Variants in RCAN1 observed in about 807,000 individuals in gnomAD.
RCAN1 encodes the protein calcipressin-1.
RCAN1 carries 11 observed loss-of-function variants against 22.9 expected under a neutral mutation model. The observed-to-expected ratio is 0.48, with a 90% confidence interval of 0.30 to 0.79. The LOEUF is 0.79. Ranked by LOEUF, RCAN1 falls within the 30% of genes least tolerant of loss-of-function variation. RCAN1 has a pLI of 0.06. For missense variants in RCAN1, 291 were observed against 337.8 expected, an observed-to-expected ratio of 0.86 and a Z score of 1.09; for synonymous variants, 136 against 142.3, an observed-to-expected ratio of 0.96 and a Z score of 0.32.
rs539596334 is a variant in RCAN1, at chr21:34,590,659, C to T, written c.252+24101G>A. On this transcript the variant is annotated intron_variant, in intron 1 of 3. Transcript: ENST00000313806. The stretch of plus-strand genomic sequence containing the variant: ...GGGTCTGACATTCCAGGATGCTGTG[C>T]TTTTTTTACACAGCATTTCCCCCTG... Among the ~76,000 whole-genome samples the T allele has an allele frequency of 1.1e-4, 16 of 152,280 alleles. No individual in the cohort carries two copies. The South Asian group carries it at 1.7e-3, about 16-fold the overall frequency.
At chr21:34,540,562 G>T (rs1326318119) in intron 1 of RCAN1, among the ~76,000 whole-genome samples, 1 of 152,084 alleles carries the variant, frequency 6.6e-6, no homozygotes, top group Admixed American at 6.5e-5. Context: ...CCGAACTAAG[G>T]GTAGACCAAG....
intron 1 of RCAN1, among the ~76,000 whole-genome samples, chr21:34,550,393 G>A (rs1221028726): frequency 2.6e-5 from 4 of 152,192 alleles, no homozygotes; most frequent in African/African-American, 4.8e-5. Context: ...CAATGTGACT[G>A]TATTTGGAGG....
chr21:34,551,825 A>G (rs1986379668), intron 1 of RCAN1, among the ~76,000 whole-genome samples: 1 of 152,206 alleles, frequency 6.6e-6, no homozygotes, highest in Non-Finnish European at 1.5e-5. Flanking sequence ...ACTTAGGAAT[A>G]GCGATCATGG....
rs190900668 is a variant in RCAN1 at position 34,601,170 on chromosome 21, T to A, written c.252+13590A>T. Among the ~76,000 whole-genome samples, 357 of 152,350 alleles carry A rather than the reference T, an allele frequency of 2.3e-3. 3 individuals carry two copies. Among genetic ancestry groups the A allele is most frequent in the African/African-American group, 8.2e-3 (342 of 41,584 alleles). On this transcript the variant is annotated intron_variant, in intron 1 of 3. Coordinates refer to ENST00000313806, the MANE Select transcript of RCAN1 (RefSeq NM_004414.7). ...AGTGCCTACTATGTGGCAGGCACTG[T>A]CCCAGGAACAGGTTAAGCAGCTGCA...
intron 1 of RCAN1, among the ~76,000 whole-genome samples, chr21:34,545,895 C>T (rs148481816): frequency 1.3e-5 from 2 of 152,362 alleles, no homozygotes; most frequent in Non-Finnish European, 2.9e-5. Context: ...ACACCAAATG[C>T]ATTCACTTAA....
In RCAN1 at chr21:34,517,822, C is replaced by A; in HGVS notation, c.*262G>T. The stretch of plus-strand genomic sequence containing the variant: ...AAAACACTATCATTATCTGTTTTCT[C>A]AAGACAGTCCCAAATGTCCTTGTGC... On this transcript the variant is annotated 3_prime_UTR_variant, in exon 4 of 4. Transcript: ENST00000313806. The A allele has an allele frequency of 2.0e-6, 1 of 512,212 alleles. No individual in the cohort carries two copies. The highest frequency in any genetic ancestry group is 3.5e-6 in the Non-Finnish European group (1 of 285,954). The allele number at this position is 512,212 out of a possible 1,614,324, so 31.7% of individuals were successfully genotyped here. A position where few individuals can be genotyped will look rare whatever the true frequency, so the allele number is the denominator to read the frequency against.
intron 1 of RCAN1, among the ~76,000 whole-genome samples, chr21:34,603,283 G>C (rs376493968): frequency 9.2e-5 from 14 of 152,232 alleles, no homozygotes; most frequent in East Asian, 3.9e-4. Flanking sequence ...AAAGCTCTCC[G>C]GCCCCTCCAC....
At chr21:34,582,377 G>T (rs1008149305) in intron 1 of RCAN1, among the ~76,000 whole-genome samples, 5 of 152,082 alleles carry the variant, frequency 3.3e-5, no homozygotes, top group Admixed American at 6.6e-5. Context: ...GGTCTGGGGT[G>T]GGGGGAATGG....
chr21:34,572,860 C>G (rs938548198), intron 1 of RCAN1, among the ~76,000 whole-genome samples: 16 of 152,090 alleles, frequency 1.1e-4, no homozygotes, highest in African/African-American at 3.6e-4. Context: ...AGGAGAGAGA[C>G]AGTGAAAGGG....
At chr21:34,536,892 C>T (rs936345269) in intron 1 of RCAN1, among the ~76,000 whole-genome samples, 2 of 152,146 alleles carry the variant, frequency 1.3e-5, no homozygotes, top group African/African-American at 4.8e-5. Context: ...TTTGTTTTTT[C>T]TTTTTCACCA....
At chr21:34,592,269 G>A (rs549054407) in intron 1 of RCAN1, among the ~76,000 whole-genome samples, 1 of 152,294 alleles carries the variant, frequency 6.6e-6, no homozygotes, top group African/African-American at 2.4e-5. Context: ...CCTGGTCTGC[G>A]TGCAATGCCA....
chr21:34,589,291 T>C (rs1335124602), intron 1 of RCAN1, among the ~76,000 whole-genome samples: 1 of 152,020 alleles, frequency 6.6e-6, no homozygotes, highest in African/African-American at 2.4e-5. Context: ...TTAAATGGGG[T>C]CTCCCACTGC....
chr21:34,565,654 C>T (rs1239032844), intron 1 of RCAN1, among the ~76,000 whole-genome samples: 9 of 152,208 alleles, frequency 5.9e-5, no homozygotes, highest in Non-Finnish European at 8.8e-5. Flanking sequence ...ATGGCCTACA[C>T]AAGAAATGGT....
intron 1 of RCAN1, among the ~76,000 whole-genome samples, chr21:34,552,672 TA>T (rs3216562): frequency 0.25 from 37,054 of 148,160 alleles, 5,331 homozygotes; most frequent in African/African-American, 0.41. Context: ...ATGTGCCTAT[TA>T]AAAAAAAAAA....
At chr21:34,566,443 T>G (rs1987009949) in intron 1 of RCAN1, among the ~76,000 whole-genome samples, 2 of 152,176 alleles carry the variant, frequency 1.3e-5, no homozygotes, top group Non-Finnish European at 2.9e-5. Flanking sequence ...GTGGTCACAG[T>G]GACCTGGAAG....
At chr21:34,587,051 T>G (rs1156682368) in intron 1 of RCAN1, among the ~76,000 whole-genome samples, 1 of 151,954 alleles carries the variant, frequency 6.6e-6, no homozygotes, top group African/African-American at 2.4e-5. Flanking sequence ...TTTCAAAATA[T>G]TAATACATTT....
Position 34,554,928 on chromosome 21 carries a change from T to C in RCAN1, c.253-31218A>G, listed in dbSNP as rs144949455. 2.7e-3 allele frequency among the ~76,000 whole-genome samples: 413 copies of C among 152,306 alleles called. 2 individuals are homozygous for C. Among genetic ancestry groups the C allele is most frequent in the African/African-American group, 9.1e-3 (379 of 41,566 alleles). ...ATTTTGTGAGCCTTATTTACTATCA[T>C]GAGAACAGCATGGGAAAGACCTGCC... is the stretch of plus-strand genomic sequence containing the variant. On this transcript the variant is annotated intron_variant, in intron 1 of 3. Coordinates refer to ENST00000313806, the MANE Select transcript of RCAN1 (RefSeq NM_004414.7).
intron 1 of RCAN1, among the ~76,000 whole-genome samples, chr21:34,582,271 C>T (rs776206267): frequency 2.6e-5 from 4 of 152,260 alleles, no homozygotes; most frequent in Non-Finnish European, 2.9e-5. Flanking sequence ...CAAAAGCCTT[C>T]GTGAAGCTGA....
chr21:34,577,243 A>C (rs1021823394), intron 1 of RCAN1, among the ~76,000 whole-genome samples: 18 of 152,232 alleles, frequency 1.2e-4, no homozygotes, highest in Non-Finnish European at 2.4e-4. Context: ...TGAACAACAG[A>C]TAAGTACTGA....
Sources: gnomAD v4.1 joint callset for allele counts (sites outside exome capture counted in the v4.1 genomes callset) on GRCh38, gnomAD v4.1.1 for gene constraint, MANE v1.5 for transcripts, NCBI Gene and HGNC (gene_info 2026-07-23, HGNC 2026-07-21) for gene names.